The following NRG3 variants were observed in gnomAD, a reference collection of about 807,000 sequenced individuals.
NRG3 encodes the protein neuregulin 3.
NRG3 carries 31 observed loss-of-function variants against 66.9 expected under a neutral mutation model. The observed-to-expected ratio is 0.46, with a 90% CI of 0.35 to 0.63. The LOEUF is 0.63. Among genes scored for constraint, NRG3 ranks in the 20% least tolerant of loss-of-function variants. The pLI, the probability that NRG3 is intolerant of heterozygous loss-of-function variation, is 0.00. For missense variants in NRG3, 910 were observed against 878.9 expected, an observed-to-expected ratio of 1.04 and a Z score of -0.45; for synonymous variants, 393 against 359.4, an observed-to-expected ratio of 1.09 and a Z score of -1.06.
intron 3 of NRG3, among the ~76,000 whole-genome samples, chr10:82,824,862 G>A (rs1783693872): frequency 1.3e-5 from 2 of 151,982 alleles, no homozygotes; most frequent in Middle Eastern, 3.4e-3. Flanking sequence ...GAATACAGGT[G>A]TGCACGACCA....
At chr10:82,184,856 G>A (rs2073695567) in intron 1 of NRG3, among the ~76,000 whole-genome samples, 1 of 152,100 alleles carries the variant, frequency 6.6e-6, no homozygotes, top group African/African-American at 2.4e-5. Context: ...AACAAGGTCT[G>A]GATGAAGGCC....
At chr10:82,907,796 G>A (rs1049032498) in intron 4 of NRG3, among the ~76,000 whole-genome samples, 1 of 152,106 alleles carries the variant, frequency 6.6e-6, no homozygotes, top group Non-Finnish European at 1.5e-5. Flanking sequence ...AATGTAAGTA[G>A]AAGCTGCAGC....
chr10:82,020,177 G>A (rs184480587), intron 1 of NRG3, among the ~76,000 whole-genome samples: 127 of 152,216 alleles, frequency 8.3e-4, no homozygotes, highest in Non-Finnish European at 4.3e-4. Flanking sequence ...GTTATAAATT[G>A]TAAATTGTGA....
intron 1 of NRG3, among the ~76,000 whole-genome samples, chr10:82,123,726 T>A (rs924110809): frequency 6.6e-6 from 1 of 151,974 alleles, no homozygotes; most frequent in East Asian, 1.9e-4. Context: ...AAATATAGAG[T>A]CTGGAATTCT....
At chr10:82,883,594 C>G (rs1305622039) in intron 4 of NRG3, among the ~76,000 whole-genome samples, 1 of 152,126 alleles carries the variant, frequency 6.6e-6, no homozygotes, top group African/African-American at 2.4e-5. Flanking sequence ...TATTTGTTCT[C>G]TAATCTGCTC....
At chr10:82,673,884 C>A (rs1006928859) in intron 2 of NRG3, among the ~76,000 whole-genome samples, 5 of 152,082 alleles carry the variant, frequency 3.3e-5, no homozygotes, top group Non-Finnish European at 7.4e-5. Flanking sequence ...AATTCAAATG[C>A]TCAGAGGGAA....
At chr10:82,061,699 T>C (rs1469220198) in intron 1 of NRG3, among the ~76,000 whole-genome samples, 2 of 152,038 alleles carry the variant, frequency 1.3e-5, no homozygotes, top group African/African-American at 4.8e-5. Context: ...TGCCTTTAGG[T>C]CTTTACTTGG....
intron 2 of NRG3, among the ~76,000 whole-genome samples, chr10:82,574,389 G>A (rs2045918188): frequency 6.6e-6 from 1 of 151,758 alleles, no homozygotes; most frequent in Admixed American, 6.6e-5. Flanking sequence ...GGGAAGCATA[G>A]GGCAGAAGGA....
intron 2 of NRG3, among the ~76,000 whole-genome samples, chr10:82,600,930 G>C (rs763917747): frequency 6.6e-6 from 1 of 151,984 alleles, no homozygotes; most frequent in Admixed American, 6.6e-5. Context: ...TTTTTCAGCC[G>C]TTACCCCACA....
chr10:82,740,000 TTCTC>T (rs10572087), intron 3 of NRG3, among the ~76,000 whole-genome samples: 68,408 of 151,478 alleles, frequency 0.45, 16,599 homozygotes, highest in East Asian at 0.59. Flanking sequence ...TTCTTTTTCT[TTCTC>T]TCTCTTTTTT....
At chr10:82,320,896 C>T (rs376167665) in intron 1 of NRG3, among the ~76,000 whole-genome samples, 27 of 152,268 alleles carry the variant, frequency 1.8e-4, no homozygotes, top group East Asian at 3.9e-4. Flanking sequence ...CCAAGCTCCA[C>T]GAGCAGAAGA....
intron 1 of NRG3, among the ~76,000 whole-genome samples, chr10:82,230,756 T>C (rs988248029): frequency 2.0e-5 from 3 of 152,114 alleles, no homozygotes; most frequent in African/African-American, 7.2e-5. Context: ...ATAATAACAT[T>C]GAAATAATTT....
chr10:82,433,731 T>C (rs2089963579), intron 2 of NRG3, among the ~76,000 whole-genome samples: 1 of 152,202 alleles, frequency 6.6e-6, no homozygotes, highest in Admixed American at 6.5e-5. Flanking sequence ...CTGGTTTTTG[T>C]CAAATTTGTT....
intron 1 of NRG3, among the ~76,000 whole-genome samples, chr10:82,038,021 C>T (rs1011598062): frequency 7.2e-5 from 11 of 151,820 alleles, no homozygotes; most frequent in Admixed American, 3.9e-4. Flanking sequence ...ATTCAAATCT[C>T]GGAAAACCCA....
intron 1 of NRG3, among the ~76,000 whole-genome samples, chr10:82,123,187 A>C (rs2068204566): frequency 1.3e-5 from 2 of 152,178 alleles, no homozygotes; most frequent in Admixed American, 1.3e-4. Flanking sequence ...AACATGGCTC[A>C]GTAATTGAAA....
At chr10:82,850,430 CG>C (rs1286379968) in intron 3 of NRG3, among the ~76,000 whole-genome samples, 1 of 152,040 alleles carries the variant, frequency 6.6e-6, no homozygotes, top group Admixed American at 6.6e-5. Context: ...ATTTGAACAA[CG>C]GGGGAAAGGT....
chr10:82,509,509 C>G (rs1305059148), intron 2 of NRG3, among the ~76,000 whole-genome samples: 2 of 152,156 alleles, frequency 1.3e-5, no homozygotes, highest in African/African-American at 4.8e-5. Context: ...ACAAGCCAGT[C>G]AGAATGCATG....
chr10:82,595,854 G>A (rs911014580), intron 2 of NRG3, among the ~76,000 whole-genome samples: 5 of 151,906 alleles, frequency 3.3e-5, no homozygotes, highest in Non-Finnish European at 7.4e-5. Context: ...CTAGTTGTTT[G>A]CTTTTGGGCA....
intron 3 of NRG3, among the ~76,000 whole-genome samples, chr10:82,840,703 G>C (rs567235513): frequency 6.6e-6 from 1 of 152,230 alleles, no homozygotes; most frequent in East Asian, 1.9e-4. Context: ...CAGGCACTCT[G>C]TTCCACATAG....
Sources: allele counts gnomAD v4.1 joint callset (sites outside exome capture counted in the v4.1 genomes callset), GRCh38; gene constraint gnomAD v4.1.1; transcripts MANE v1.5; gene names NCBI Gene and HGNC (gene_info 2026-07-23, HGNC 2026-07-21).